OVCH1: variants seen among roughly 807,000 people sequenced by gnomAD.
OVCH1 encodes the protein ovochymase 1.
A neutral mutation model predicts 138.4 loss-of-function variants in OVCH1; 139 were observed. The observed-to-expected ratio is 1.00, with a 90% CI of 0.87 to 1.16. The LOEUF (loss-of-function observed/expected upper bound fraction) is 1.16. OVCH1 is among the 50% of genes most tolerant of loss of function. The pLI is 0.00. For missense variants in OVCH1, 1,367 were observed against 1,357.9 expected, an observed-to-expected ratio of 1.01 and a Z score of -0.11; for synonymous variants, 453 against 467.8, an observed-to-expected ratio of 0.97 and a Z score of 0.41.
intron 3 of OVCH1, among the ~76,000 whole-genome samples, chr12:29,417,460 CA>C (rs759067203): frequency 0.22 from 12,988 of 60,078 alleles, 296 homozygotes; most frequent in Admixed American, 0.32. Flanking sequence ...CACTCCGTCT[CA>C]AAAAAAAAAA....
downstream of OVCH1, among the ~76,000 whole-genome samples, chr12:29,410,429 A>AT (rs1209746500): frequency 1.3e-5 from 2 of 151,090 alleles, no homozygotes; most frequent in African/African-American, 4.8e-5. Flanking sequence ...TTTTGGCATG[A>AT]TTTTGCAGCG....
At chr12:29,467,127 T>G (rs1942348356) in intron 16 of OVCH1, among the ~76,000 whole-genome samples, 1 of 152,142 alleles carries the variant, frequency 6.6e-6, no homozygotes. Context: ...TGGTAGCCAT[T>G]ATCATTCTTA....
chr12:29,438,114 G>GTCCT (rs1941398477), intron 26 of OVCH1, among the ~76,000 whole-genome samples: 1 of 152,018 alleles, frequency 6.6e-6, no homozygotes, highest in African/African-American at 2.4e-5. Flanking sequence ...ATATGAGAAA[G>GTCCT]TCCTTCTCCA....
rs574122316 is a variant in OVCH1, at chr12:29,488,009, C to T, written c.703-127G>A. The T allele has an allele frequency of 6.7e-5, 56 of 836,954 alleles. No homozygotes were observed. In the South Asian group the frequency reaches 7.2e-4, roughly 11 times the overall value. 51.8% of individuals were successfully genotyped at this position (836,954 alleles called of 1,614,324 possible). ...AGAGGCAAAGAAGTCCACTAGTCAT[C>T]GTCCATCAGCTTTTTGTTTATCCAT... is the stretch of plus-strand genomic sequence containing the variant. On this transcript the variant is annotated intron_variant, in intron 6 of 27. Transcript: ENST00000318184.
intron 25 of OVCH1, among the ~76,000 whole-genome samples, chr12:29,441,691 A>C (rs1185007200): frequency 2.6e-5 from 4 of 152,230 alleles, no homozygotes. Context: ...GGCAACCTAC[A>C]AAATGGGAGA....
intron 3 of OVCH1, among the ~76,000 whole-genome samples, chr12:29,420,071 A>G (rs1941082045): frequency 6.6e-6 from 1 of 152,242 alleles, no homozygotes; most frequent in Non-Finnish European, 1.5e-5. Context: ...GCTATGGGAC[A>G]TCATGTGATG....
chr12:29,422,517 A>G (rs1464277078), intron 3 of OVCH1, among the ~76,000 whole-genome samples: 2 of 152,196 alleles, frequency 1.3e-5, no homozygotes, highest in East Asian at 1.9e-4. Context: ...TAGGTTTTTA[A>G]TTGATGGTAT....
downstream of OVCH1, among the ~76,000 whole-genome samples, chr12:29,426,964 G>A (rs931683764): frequency 6.6e-6 from 1 of 152,172 alleles, no homozygotes; most frequent in Non-Finnish European, 1.5e-5. Context: ...GACAGTGCAG[G>A]TGTAGACAAG....
intron 12 of OVCH1, 97 bp from the exon 13 acceptor site, chr12:29,476,396 T>G: frequency 1.1e-6 from 1 of 945,736 alleles, no homozygotes; most frequent in East Asian, 2.4e-5. Context: ...CTTTGTCACA[T>G]CCTCATATGC....
At chr12:29,427,439 T>C (rs1172994604), downstream of OVCH1, 5 of 1,269,954 alleles carry the variant, frequency 3.9e-6, no homozygotes, top group Non-Finnish European at 5.3e-6. Context: ...AGGAAGGCTA[T>C]TTAGATTGTA....
intron 21 of OVCH1, among the ~76,000 whole-genome samples, chr12:29,452,843 A>C (rs1256048559): frequency 6.6e-6 from 1 of 152,202 alleles, no homozygotes; most frequent in South Asian, 2.1e-4. Context: ...TAAATATGGC[A>C]TGGTCCTAAC....
At position 29,491,107 on chromosome 12, in the gene OVCH1, CT is replaced by C; in HGVS notation, c.539del (p.Lys180ArgfsTer32). 1 of 1,613,514 alleles carries C rather than the reference CT, an allele frequency of 6.2e-7. No homozygotes were observed. Among genetic ancestry groups the C allele is most frequent in the Non-Finnish European group, 8.5e-7 (1 of 1,179,528 alleles). ...TTTGGTGTCTCTTACTTTTGGAAAT[CT>C]TGCCCCATCCACTGGATAAGCAAAG... On this transcript the variant is annotated frameshift_variant, in exon 5 of 28. Transcript: ENST00000318184. LOFTEE classifies it high-confidence loss of function.
At chr12:29,437,691 A>C (rs1941389971) in intron 26 of OVCH1, among the ~76,000 whole-genome samples, 1 of 152,220 alleles carries the variant, frequency 6.6e-6, no homozygotes, top group African/African-American at 2.4e-5. Context: ...TTTCATTGTG[A>C]CAAGAAACAA....
At chr12:29,450,028 A>G (rs1941737348) in intron 22 of OVCH1, among the ~76,000 whole-genome samples, 1 of 152,212 alleles carries the variant, frequency 6.6e-6, no homozygotes. Flanking sequence ...AAGATGGATT[A>G]AAGACTTAAA....
At chr12:29,411,412 T>C (rs1434030356), downstream of OVCH1, among the ~76,000 whole-genome samples, 1 of 151,666 alleles carries the variant, frequency 6.6e-6, no homozygotes, top group Non-Finnish European at 1.5e-5. Flanking sequence ...TTCTGCTCTG[T>C]TTTTTCCCCA....
chr12:29,442,637 A>T (rs531946976), intron 25 of OVCH1, among the ~76,000 whole-genome samples: 10 of 151,874 alleles, frequency 6.6e-5, no homozygotes, highest in South Asian at 2.1e-4. Flanking sequence ...TAAAATAAAA[A>T]AAAATAAAAA....
intron 8 of OVCH1, among the ~76,000 whole-genome samples, chr12:29,480,952 C>T (rs939677973): frequency 6.6e-6 from 1 of 152,138 alleles, no homozygotes; most frequent in African/African-American, 2.4e-5. Flanking sequence ...AATTAGAATG[C>T]ATCTTACAAA....
At chr12:29,431,675 C>T (rs945838348) in intron 27 of OVCH1, among the ~76,000 whole-genome samples, 6 of 152,108 alleles carry the variant, frequency 3.9e-5, no homozygotes, top group Admixed American at 3.9e-4. Flanking sequence ...TTTCTCATAG[C>T]GTGTTTTATC....
chr12:29,445,546 T>C (rs1592046678), intron 22 of OVCH1, 143 bp from the exon 23 acceptor site: 1 of 856,790 alleles, frequency 1.2e-6, no homozygotes, highest in East Asian at 2.7e-5. Flanking sequence ...CTCCAGAACA[T>C]AAGTGACTCA....
Sources: allele counts gnomAD v4.1 joint callset (sites outside exome capture counted in the v4.1 genomes callset), GRCh38; gene constraint gnomAD v4.1.1; transcripts MANE v1.5; gene names NCBI Gene and HGNC (gene_info 2026-07-23, HGNC 2026-07-21).